TSPAN3: variants seen among roughly 807,000 people sequenced by gnomAD.
The protein encoded by TSPAN3 is tetraspanin 3.
Under a neutral mutation model 31.1 loss-of-function variants are expected in TSPAN3, and 9 were observed. The observed-to-expected ratio is 0.29, with a 90% CI of 0.17 to 0.50. The LOEUF (loss-of-function observed/expected upper bound fraction) is 0.50. Among genes scored for constraint, TSPAN3 ranks in the 20% least tolerant of loss-of-function variants. The pLI is 0.98. For synonymous variants in TSPAN3, 129 were observed against 114.3 expected, an observed-to-expected ratio of 1.13 and a Z score of -0.82; for missense variants, 252 against 313.5, an observed-to-expected ratio of 0.80 and a Z score of 1.48.
intron 1 of TSPAN3, among the ~76,000 whole-genome samples, chr15:77,065,296 G>T (rs2076825533): frequency 6.6e-6 from 1 of 152,094 alleles, no homozygotes; most frequent in South Asian, 2.1e-4. Flanking sequence ...TAAGAATAGG[G>T]ATTTTTCACT....
chr15:77,048,116 C>A (rs1373636785), intron 6 of TSPAN3, among the ~76,000 whole-genome samples: 3 of 152,174 alleles, frequency 2.0e-5, no homozygotes, highest in Non-Finnish European at 4.4e-5. Flanking sequence ...CACCATTTCA[C>A]CATTTGCAAA....
intron 4 of TSPAN3, among the ~76,000 whole-genome samples, 194 bp from the exon 5 acceptor site, chr15:77,053,123 G>C (rs1457607398): frequency 2.0e-5 from 3 of 152,162 alleles, no homozygotes; most frequent in African/African-American, 4.8e-5. Flanking sequence ...ATTGTGGCTA[G>C]TGTGACTAGA....
chr15:77,062,664 T>C (rs1484753132), intron 1 of TSPAN3, among the ~76,000 whole-genome samples: 2 of 152,264 alleles, frequency 1.3e-5, no homozygotes, highest in Non-Finnish European at 2.9e-5. Context: ...TGCCTCAGCA[T>C]TGATGCCTTT....
intron 1 of TSPAN3, among the ~76,000 whole-genome samples, chr15:77,069,641 T>A (rs1054498168): frequency 5.9e-5 from 9 of 152,202 alleles, no homozygotes; most frequent in African/African-American, 2.2e-4. Flanking sequence ...TAGCAAGTGC[T>A]TTTTAACATA....
intron 6 of TSPAN3, 43 bp from the exon 7 acceptor site, chr15:77,046,970 C>G: frequency 6.8e-7 from 1 of 1,464,834 alleles, no homozygotes; most frequent in Non-Finnish European, 9.4e-7. Flanking sequence ...GCTGAAAACC[C>G]TCTCATGGCA....
Position 77,046,522 on chromosome 15 carries a change from T to C in TSPAN3, c.*313A>G, listed in dbSNP as rs996758212. On this transcript the variant is annotated 3_prime_UTR_variant, in exon 7 of 7. Transcript: ENST00000267970. ...ATTTCGGCATCAGTCCTGTTACCAC[T>C]TGGAGGTAACAGAAGCAGGCTCGTG... is the stretch of plus-strand genomic sequence containing the variant. The C allele has an allele frequency of 4.4e-6, 2 of 455,002 alleles. No homozygotes were observed. The highest frequency in any genetic ancestry group is 7.7e-6 in the Non-Finnish European group (2 of 258,496). The allele number at this position is 455,002 out of a possible 1,614,324, so 28.2% of individuals were successfully genotyped here. A position where few individuals can be genotyped will look rare whatever the true frequency, so the allele number is the denominator to read the frequency against.
At chr15:77,061,914 C>T (rs2076803200) in intron 1 of TSPAN3, among the ~76,000 whole-genome samples, 1 of 152,176 alleles carries the variant, frequency 6.6e-6, no homozygotes, top group Non-Finnish European at 1.5e-5. Flanking sequence ...GTGTGAACTG[C>T]TCCCTTCGGA....
intron 1 of TSPAN3, among the ~76,000 whole-genome samples, chr15:77,058,545 T>C (rs11858123): frequency 1.3e-5 from 2 of 152,200 alleles, no homozygotes; most frequent in African/African-American, 4.8e-5. Flanking sequence ...CAGTGCATGG[T>C]TCTAACAGAA....
intron 3 of TSPAN3, 200 bp downstream of exon 3, chr15:77,055,589 T>C: frequency 1.9e-6 from 1 of 516,576 alleles, no homozygotes; most frequent in Non-Finnish European, 3.4e-6. Flanking sequence ...ACAATACATA[T>C]ATAACACTCT....
rs2076662951 is a variant in TSPAN3 at position 77,041,998 on chromosome 15, C to CTTGGTTAATCATGG, written c.*4823_*4836dup. ...GCCTGCAGGCCTGCCCTTTATACAC[C>CTTGGTTAATCATGG]TTGGTTAATCATGGTACTAATGTAC... On this transcript the variant is annotated 3_prime_UTR_variant, in exon 7 of 7. Coordinates refer to ENST00000267970, the MANE Select transcript of TSPAN3 (RefSeq NM_005724.6). The CTTGGTTAATCATGG allele has an allele frequency of 6.6e-6, 1 of 152,194 alleles. No homozygotes were observed. The highest frequency in any genetic ancestry group is 2.1e-4 in the South Asian group (1 of 4,836). The allele number at this position is 152,194 out of a possible 1,614,324, so 9.4% of individuals were successfully genotyped here.
chr15:77,044,597 G>A lies in TSPAN3; in HGVS notation c.*2238C>T, dbSNP rs1044218766. ...TCTGGGTCCAGCTGGCAGAGCACAC[G>A]GGAGGAGGCTGCTCTCTCACCAGGC... On this transcript the variant is annotated 3_prime_UTR_variant, in exon 7 of 7. Coordinates refer to ENST00000267970, the MANE Select transcript of TSPAN3 (RefSeq NM_005724.6). The A allele has an allele frequency of 5.3e-5, 8 of 152,244 alleles. No individual in the cohort carries two copies. The highest frequency in any genetic ancestry group is 1.7e-4 in the African/African-American group (7 of 41,440). The allele number at this position is 152,244 out of a possible 1,614,324, so 9.4% of individuals were successfully genotyped here.
chr15:77,044,999 T>C lies in TSPAN3; in HGVS notation c.*1836A>G, dbSNP rs927552441. On this transcript the variant is annotated 3_prime_UTR_variant, in exon 7 of 7. Transcript: ENST00000267970. Reference sequence around the variant, plus strand: ...AATCACATTCTGGTAACTTCCACTTTGTGAAAAGGAGTTAGTTTTTACTCC... The same window carrying C: ...AATCACATTCTGGTAACTTCCACTTCGTGAAAAGGAGTTAGTTTTTACTCC... The C allele has an allele frequency of 2.0e-5, 3 of 152,188 alleles. No individual in the cohort carries two copies. The highest frequency in any genetic ancestry group is 7.2e-5 in the African/African-American group (3 of 41,438). 9.4% of individuals were successfully genotyped at this position (152,188 alleles called of 1,614,324 possible).
At chr15:77,048,798 A>G (rs2076709753) in intron 6 of TSPAN3, among the ~76,000 whole-genome samples, 1 of 152,236 alleles carries the variant, frequency 6.6e-6, no homozygotes, top group Non-Finnish European at 1.5e-5. Context: ...CAACTGCAAA[A>G]ATTGAAAAAA....
intron 3 of TSPAN3, 195 bp downstream of exon 3, chr15:77,055,594 C>T (rs2076763797): frequency 1.9e-6 from 1 of 523,180 alleles, no homozygotes; most frequent in African/African-American, 1.9e-5. Flanking sequence ...ACATATATAA[C>T]ACTCTGCTAT....
chr15:77,045,042 TC>T lies in TSPAN3; in HGVS notation c.*1792del, dbSNP rs923805134. 1.3e-5 allele frequency: 2 copies of T among 152,046 alleles called. No homozygotes were observed. Among genetic ancestry groups the T allele is most frequent in the Non-Finnish European group, 2.9e-5 (2 of 68,018 alleles). 9.4% of individuals were successfully genotyped at this position (152,046 alleles called of 1,614,324 possible). On this transcript the variant is annotated 3_prime_UTR_variant, in exon 7 of 7. Coordinates refer to ENST00000267970, the MANE Select transcript of TSPAN3 (RefSeq NM_005724.6). The stretch of plus-strand genomic sequence containing the variant: ...TTTACTCCTCTCCTTTCCCGTGTCT[TC>T]TCCATTTTCAGGTGGGACAGATCTG...
At position 77,046,295 on chromosome 15, in the gene TSPAN3, T is replaced by C. The variant is rs1395763437; in HGVS notation, c.*540A>G. ...CTGATTTTGAAGATGAACCAAGATA[T>C]ACGCCATATGATCCTACAATCTATT... is the stretch of plus-strand genomic sequence containing the variant. On this transcript the variant is annotated 3_prime_UTR_variant, in exon 7 of 7. Transcript: ENST00000267970. 6 of 398,688 alleles carry C rather than the reference T, an allele frequency of 1.5e-5. No individual in the cohort carries two copies. Among genetic ancestry groups the C allele is most frequent in the Non-Finnish European group, 2.2e-5 (5 of 226,202 alleles). 24.7% of individuals were successfully genotyped at this position (398,688 alleles called of 1,614,324 possible).
intron 2 of TSPAN3, 61 bp downstream of exon 2, chr15:77,056,003 T>C: frequency 6.5e-7 from 1 of 1,534,418 alleles, no homozygotes; most frequent in African/African-American, 1.4e-5. Flanking sequence ...CCAAGGAGTC[T>C]CATGTTCAAG....
chr15:77,066,700 T>A (rs1312327128), intron 1 of TSPAN3, among the ~76,000 whole-genome samples: 1 of 151,650 alleles, frequency 6.6e-6, no homozygotes, highest in Non-Finnish European at 1.5e-5. Flanking sequence ...GCCTCATCAT[T>A]CCATAAAAAC....
chr15:77,042,939 CCCTT>C lies in TSPAN3; in HGVS notation c.*3892_*3895del, dbSNP rs1307080823. Reference sequence around the variant, plus strand: ...TTAACTCCAAATTTCCCTGACCTTGCCCTTCCTTGTCACACTGAAGAGGGGGCTC... The same window carrying C: ...TTAACTCCAAATTTCCCTGACCTTGCCCTTGTCACACTGAAGAGGGGGCTC... On this transcript the variant is annotated 3_prime_UTR_variant, in exon 7 of 7. Transcript: ENST00000267970. 1 of 152,246 alleles carries C rather than the reference CCCTT, an allele frequency of 6.6e-6. No individual in the cohort carries two copies. The highest frequency in any genetic ancestry group is 2.4e-5 in the African/African-American group (1 of 41,450). The allele number at this position is 152,246 out of a possible 1,614,324, so 9.4% of individuals were successfully genotyped here. A position where few individuals can be genotyped will look rare whatever the true frequency, so the allele number is the denominator to read the frequency against.
Sources: gnomAD v4.1 joint callset for allele counts (sites outside exome capture counted in the v4.1 genomes callset) on GRCh38, gnomAD v4.1.1 for gene constraint, MANE v1.5 for transcripts, NCBI Gene and HGNC (gene_info 2026-07-23, HGNC 2026-07-21) for gene names.